Variants in ANKS1B observed in about 807,000 individuals in gnomAD.
ANKS1B encodes the protein ankyrin repeat and sterile alpha motif domain containing 1B.
ANKS1B carries 36 observed loss-of-function variants against 148.3 expected under a neutral mutation model. The observed-to-expected ratio is 0.24, with a 90% CI of 0.19 to 0.32. The LOEUF (loss-of-function observed/expected upper bound fraction) is 0.32, where lower values mean the gene tolerates loss of function less well. ANKS1B is among the 10% of genes least tolerant of loss of function. The pLI is 1.00. For synonymous variants in ANKS1B, 542 were observed against 560.8 expected (o/e 0.97, Z 0.47); for missense variants, 1,157 against 1,542.6 (o/e 0.75, Z 4.19).
chr12:99,721,270 C>T (rs1230969567), intron 8 of ANKS1B, among the ~76,000 whole-genome samples: 1 of 152,098 alleles, frequency 6.6e-6, no homozygotes, highest in African/African-American at 2.4e-5. Context: ...AAATTTTCGT[C>T]GTCCCAACAC....
At chr12:99,364,317 T>A (rs1393016093) in intron 12 of ANKS1B, among the ~76,000 whole-genome samples, 1 of 152,166 alleles carries the variant, frequency 6.6e-6, no homozygotes, top group Non-Finnish European at 1.5e-5. Flanking sequence ...TCAGTGCACA[T>A]GAAGATTCTT....
At chr12:98,818,497 C>T (rs551437673) in intron 19 of ANKS1B, among the ~76,000 whole-genome samples, 257 of 152,172 alleles carry the variant, frequency 1.7e-3, no homozygotes, top group Non-Finnish European at 2.9e-3. Flanking sequence ...CCCCAGGTTC[C>T]AGGGATGTTG....
chr12:99,127,919 C>T (rs1319853584), intron 15 of ANKS1B, among the ~76,000 whole-genome samples: 1 of 152,140 alleles, frequency 6.6e-6, no homozygotes, highest in African/African-American at 2.4e-5. Context: ...TGAAAAGATA[C>T]ATAAAATGTA....
chr12:99,300,904 G>T (rs181167371), intron 12 of ANKS1B, among the ~76,000 whole-genome samples: 1 of 152,166 alleles, frequency 6.6e-6, no homozygotes, highest in Admixed American at 6.5e-5. Flanking sequence ...GCTATATAGA[G>T]ATATAAAAGA....
intron 17 of ANKS1B, among the ~76,000 whole-genome samples, chr12:99,014,164 CA>C (rs533997202): frequency 1.1e-3 from 169 of 152,182 alleles, no homozygotes; most frequent in Non-Finnish European, 2.0e-3. Flanking sequence ...GGTAGTGACA[CA>C]AAAACAGACA....
rs200987317 is a variant in ANKS1B at position 99,829,886 on chromosome 12, TA to T, written c.135-4498del. ...GGATAGCTTTGATAAAAAATAAAAATAAAAAAAAGACAAAGAAATAACTGAA... is the reference window on the plus strand; with the variant it reads ...GGATAGCTTTGATAAAAAATAAAAATAAAAAAAGACAAAGAAATAACTGAA... On this transcript the variant is annotated intron_variant, in intron 1 of 26. Transcript: ENST00000683438. 4.6e-5 allele frequency among the ~76,000 whole-genome samples: 7 copies of T among 151,390 alleles called. No homozygotes were observed. In the South Asian group the frequency reaches 1.0e-3, roughly 23 times the overall value.
intron 17 of ANKS1B, among the ~76,000 whole-genome samples, chr12:99,020,732 A>G (rs1166283969): frequency 6.6e-6 from 1 of 152,160 alleles, no homozygotes; most frequent in Non-Finnish European, 1.5e-5. Flanking sequence ...GGTTTGCTAA[A>G]AGAATGAATG....
At chr12:99,653,163 G>T (rs1467625557) in intron 9 of ANKS1B, among the ~76,000 whole-genome samples, 1 of 152,036 alleles carries the variant, frequency 6.6e-6, no homozygotes, top group Non-Finnish European at 1.5e-5. Flanking sequence ...TAGACCAAAA[G>T]CAAGGTACTA....
intron 12 of ANKS1B, among the ~76,000 whole-genome samples, chr12:99,258,609 T>TC (rs1566753349): frequency 1.7e-5 from 1 of 59,626 alleles, no homozygotes; most frequent in Non-Finnish European, 3.5e-5. Flanking sequence ...ATTATCCACT[T>TC]GTTTTTTTTT....
chr12:99,541,973 T>C (rs1596641865), intron 9 of ANKS1B, among the ~76,000 whole-genome samples: 1 of 152,202 alleles, frequency 6.6e-6, no homozygotes. Flanking sequence ...TTCTATTTAA[T>C]GGTGAAAAAC....
chr12:99,159,198 T>C lies in ANKS1B; in HGVS notation c.2420-4803A>G, dbSNP rs577225151. Among the ~76,000 whole-genome samples, 248 of 152,216 alleles carry C rather than the reference T, an allele frequency of 1.6e-3. 1 individual carries two copies. Among genetic ancestry groups the C allele is most frequent in the South Asian group, 5.0e-3 (24 of 4,816 alleles). On this transcript the variant is annotated intron_variant, in intron 14 of 26. Coordinates refer to ENST00000683438, the MANE Select transcript of ANKS1B (RefSeq NM_001352186.2). ...ATAAGAACAAAAAGCTCTAAAGCTT[T>C]CCCCCAAGAGGTTGACTTATTTGTT...
chr12:99,468,973 A>G (rs1399255255), intron 10 of ANKS1B, among the ~76,000 whole-genome samples: 1 of 152,126 alleles, frequency 6.6e-6, no homozygotes, highest in Admixed American at 6.5e-5. Context: ...TCATGCTGCT[A>G]TAAAGACACA....
intron 9 of ANKS1B, among the ~76,000 whole-genome samples, chr12:99,518,632 G>T (rs11109889): frequency 0.14 from 20,901 of 151,822 alleles, 3,496 homozygotes; most frequent in African/African-American, 0.4. Context: ...CTGTCAATCT[G>T]AGTCTGGCTA....
chr12:98,848,734 G>A (rs1595411267), intron 17 of ANKS1B, among the ~76,000 whole-genome samples: 1 of 21,764 alleles, frequency 4.6e-5, no homozygotes, highest in South Asian at 2.4e-3. Context: ...TAATTTCTGT[G>A]TATGTGTGGT....
intron 17 of ANKS1B, among the ~76,000 whole-genome samples, chr12:98,869,121 G>A (rs115704539): frequency 0.02 from 3,009 of 152,164 alleles, 105 homozygotes; most frequent in African/African-American, 0.068. Context: ...GCACACCCCC[G>A]CCTTGTCTTG....
At chr12:99,663,515 T>C (rs191117926) in intron 8 of ANKS1B, among the ~76,000 whole-genome samples, 258 of 152,278 alleles carry the variant, frequency 1.7e-3, no homozygotes, top group African/African-American at 5.9e-3. Context: ...AACATTTAAG[T>C]CTGCTGAAAA....
chr12:99,494,604 G>A (rs980776952), intron 10 of ANKS1B, among the ~76,000 whole-genome samples: 2 of 151,686 alleles, frequency 1.3e-5, no homozygotes, highest in South Asian at 2.1e-4. Flanking sequence ...GTGGTGGCGG[G>A]CGCCTGTAGT....
rs542672340 is a variant in ANKS1B at position 99,230,606 on chromosome 12, G to A, written c.2419+13736C>T. On this transcript the variant is annotated intron_variant, in intron 14 of 26. Transcript: ENST00000683438. ...TTTTAGAATACTAGAGAATCTCAGC[G>A]GTATTTGAAAGATCAAAATTTATAT... Among the ~76,000 whole-genome samples the A allele has an allele frequency of 6.6e-5, 10 of 152,084 alleles. 1 individual carries two copies. The highest frequency in any genetic ancestry group is 6.2e-4 in the South Asian group (3 of 4,810).
At chr12:99,177,448 T>G (rs547271932) in intron 14 of ANKS1B, among the ~76,000 whole-genome samples, 1 of 152,320 alleles carries the variant, frequency 6.6e-6, no homozygotes, top group East Asian at 1.9e-4. Context: ...GCAGTGAGCA[T>G]GAGCCGCTGG....
Sources: gnomAD v4.1 joint callset for allele counts (sites outside exome capture counted in the v4.1 genomes callset) on GRCh38, gnomAD v4.1.1 for gene constraint, MANE v1.5 for transcripts, NCBI Gene and HGNC (gene_info 2026-07-23, HGNC 2026-07-21) for gene names.